Variants in WIPF2 observed in about 807,000 individuals in gnomAD.
WIPF2 encodes WAS/WASL interacting protein family member 2, also known as WAS/WASL-interacting protein family member 2.
A neutral mutation model predicts 38.8 loss-of-function variants in WIPF2; 23 were observed. That is an observed-to-expected ratio of 0.59 (90% confidence interval 0.43 to 0.84). The LOEUF (loss-of-function observed/expected upper bound fraction) is 0.84. WIPF2 is among the 40% of genes least tolerant of loss of function. The pLI, the probability that WIPF2 is intolerant of heterozygous loss-of-function variation, is 0.00. For missense variants in WIPF2, 574 were observed against 580.5 expected (o/e 0.99, Z 0.11); for synonymous variants, 210 against 223.2 (o/e 0.94, Z 0.53).
intron 4 of WIPF2, among the ~76,000 whole-genome samples, chr17:40,263,899 G>A (rs779057702): frequency 2.0e-5 from 3 of 151,964 alleles, no homozygotes; most frequent in Admixed American, 1.3e-4. Flanking sequence ...TGATGGATAT[G>A]TTAGTTTGAT....
At chr17:40,267,398 A>C (rs925151629) in intron 5 of WIPF2, among the ~76,000 whole-genome samples, 10 of 152,170 alleles carry the variant, frequency 6.6e-5, no homozygotes, top group African/African-American at 2.4e-4. Context: ...TATAATTAGC[A>C]TAACTGAAAT....
chr17:40,235,316 A>G (rs1367498160), intron 1 of WIPF2, among the ~76,000 whole-genome samples: 1 of 152,204 alleles, frequency 6.6e-6, no homozygotes, highest in Non-Finnish European at 1.5e-5. Flanking sequence ...GAAAGTTACA[A>G]AAGAAAAAAA....
chr17:40,228,075 G>A (rs1285928562), intron 1 of WIPF2, among the ~76,000 whole-genome samples: 1 of 136,172 alleles, frequency 7.3e-6, no homozygotes, highest in African/African-American at 2.8e-5. Flanking sequence ...GAGTGCAGTG[G>A]CGGGATCTCG....
intron 1 of WIPF2, among the ~76,000 whole-genome samples, chr17:40,248,597 T>C (rs2031452535): frequency 6.6e-6 from 1 of 152,332 alleles, no homozygotes; most frequent in East Asian, 1.9e-4. Flanking sequence ...CATAATGCCC[T>C]GCCTGACTCT....
intron 1 of WIPF2, among the ~76,000 whole-genome samples, chr17:40,244,941 A>G (rs1390527560): frequency 1.3e-5 from 2 of 151,902 alleles, no homozygotes; most frequent in African/African-American, 4.8e-5. Context: ...TATTATTACT[A>G]TTTTGTTGTT....
Position 40,264,787 on chromosome 17 carries a change from A to G in WIPF2, c.611A>G (p.Asn204Ser), listed in dbSNP as rs1158597893. ...PMHSSKAPAY[N>S]REKPLPPTPG... ...CACAGCAGCAAAGCCCCCGCCTACA[A>G]CAGAGAGAAACCCTTGCCACCGACG... is the stretch of plus-strand genomic sequence containing the variant. Residue 204 changes from asparagine to serine, a missense_variant, in exon 5 of 8, where the codon AAC becomes AGC. Asn to Ser is a conservative substitution (Grantham distance 46). Coordinates refer to ENST00000323571, the MANE Select transcript of WIPF2 (RefSeq NM_133264.5). The G allele has an allele frequency of 1.2e-6, 2 of 1,611,380 alleles. No homozygotes were observed. Among genetic ancestry groups the G allele is most frequent in the South Asian group, 1.1e-5 (1 of 90,734 alleles).
At chr17:40,261,058 G>T (rs893218979) in intron 3 of WIPF2, among the ~76,000 whole-genome samples, 11 of 146,504 alleles carry the variant, frequency 7.5e-5, no homozygotes, top group African/African-American at 2.5e-4. Context: ...AAAAAAAAAG[G>T]CTGCCATCTC....
Position 40,256,455 on chromosome 17 carries a change from C to G in WIPF2, c.-5C>G. The G allele has an allele frequency of 6.2e-7, 1 of 1,608,854 alleles. No homozygotes were observed. The stretch of plus-strand genomic sequence containing the variant: ...AGAACAGTGCCAACTGGGAGCAGGG[C>G]AAGAATGCCAATTCCTCCTCCCCCG... On this transcript the variant is annotated 5_prime_UTR_variant, in exon 2 of 8. Coordinates refer to ENST00000323571, the MANE Select transcript of WIPF2 (RefSeq NM_133264.5).
chr17:40,272,830 G>C (rs1216225081), intron 5 of WIPF2, among the ~76,000 whole-genome samples: 2 of 152,106 alleles, frequency 1.3e-5, no homozygotes, highest in East Asian at 3.8e-4. Flanking sequence ...ACATCAAGGG[G>C]TACACAGTAT....
At chr17:40,234,467 G>C (rs1598470452) in intron 1 of WIPF2, among the ~76,000 whole-genome samples, 1 of 151,922 alleles carries the variant, frequency 6.6e-6, no homozygotes, top group South Asian at 2.1e-4. Flanking sequence ...AAAACAACCG[G>C]AAATTATCTA....
chr17:40,263,214 G>GC (rs1280465107), intron 4 of WIPF2, among the ~76,000 whole-genome samples: 11 of 152,144 alleles, frequency 7.2e-5, no homozygotes, highest in Admixed American at 7.2e-4. Context: ...TAGATGGTGG[G>GC]CGGGGGATGG....
chr17:40,273,860 A>G lies in WIPF2; in HGVS notation c.1041A>G (p.Arg347=). The G allele has an allele frequency of 7.7e-7, 1 of 1,298,758 alleles. No homozygotes were observed. The highest frequency in any genetic ancestry group is 1.0e-6 in the Non-Finnish European group (1 of 961,334). 80.5% of individuals were successfully genotyped at this position (1,298,758 alleles called of 1,614,324 possible). A position where few individuals can be genotyped will look rare whatever the true frequency, so the allele number is the denominator to read the frequency against. The change falls in exon 6 of 8, where the codon CGA becomes CGG. Residue 347 remains arginine (R), a synonymous_variant. Transcript: ENST00000323571. ...RDAPPPPPPY[R]MHGSEPPSRG... is the part of the protein sequence containing the mutation. ...CTCCCCCTCCCCCACCACCATACCGAATGCATGGGTCAGAACCCCCGAGCC... is the reference window on the plus strand; with the variant it reads ...CTCCCCCTCCCCCACCACCATACCGGATGCATGGGTCAGAACCCCCGAGCC...
intron 1 of WIPF2, among the ~76,000 whole-genome samples, chr17:40,241,790 A>G (rs2031198724): frequency 6.6e-6 from 1 of 152,206 alleles, no homozygotes. Context: ...AATCAAAAGG[A>G]CACAATTCTC....
At chr17:40,272,083 G>C (rs769671526) in intron 5 of WIPF2, among the ~76,000 whole-genome samples, 2 of 150,876 alleles carry the variant, frequency 1.3e-5, no homozygotes, top group Non-Finnish European at 2.9e-5. Context: ...GCAATGGCAC[G>C]ATCTTGGATC....
chr17:40,233,716 A>G (rs143596091), intron 1 of WIPF2, among the ~76,000 whole-genome samples: 87 of 151,720 alleles, frequency 5.7e-4, no homozygotes, highest in African/African-American at 1.9e-3. Context: ...GAGGCCTGAG[A>G]TTGGGAGTTT....
In WIPF2 at chr17:40,278,998, C is replaced by G. The variant is rs892527599; in HGVS notation, c.*773C>G. ...CCCCTCACCCCACTGCTTCAGGGTG[C>G]TAGGCTGAGGGATGTTTTTCCTCCC... On this transcript the variant is annotated 3_prime_UTR_variant, in exon 8 of 8. Transcript: ENST00000323571. 8.5e-5 allele frequency: 13 copies of G among 152,212 alleles called. No individual in the cohort carries two copies. Among genetic ancestry groups the G allele is most frequent in the Non-Finnish European group, 1.2e-4 (8 of 68,062 alleles). The allele number at this position is 152,212 out of a possible 1,614,324, so 9.4% of individuals were successfully genotyped here.
intron 6 of WIPF2, among the ~76,000 whole-genome samples, chr17:40,276,403 C>T (rs1178132282): frequency 6.7e-6 from 1 of 149,144 alleles, no homozygotes; most frequent in Non-Finnish European, 1.5e-5. Flanking sequence ...TGGTGCCTGC[C>T]TGTAATCTCA....
chr17:40,240,331 C>G (rs1335662493), intron 1 of WIPF2, among the ~76,000 whole-genome samples: 1 of 152,100 alleles, frequency 6.6e-6, no homozygotes, highest in African/African-American at 2.4e-5. Flanking sequence ...TCCCAAACTT[C>G]TGGGATTACA....
chr17:40,228,612 G>T (rs918554775), intron 1 of WIPF2, among the ~76,000 whole-genome samples: 111 of 137,714 alleles, frequency 8.1e-4, no homozygotes, highest in African/African-American at 2.9e-3. Context: ...ATGCAGATAG[G>T]GCAGTGAACA....
Sources: allele counts gnomAD v4.1 joint callset (sites outside exome capture counted in the v4.1 genomes callset), GRCh38; gene constraint gnomAD v4.1.1; transcripts MANE v1.5; gene names NCBI Gene and HGNC (gene_info 2026-07-23, HGNC 2026-07-21).